The following SDK1 variants were observed in gnomAD, a reference collection of about 807,000 sequenced individuals.
The protein encoded by SDK1 is protein sidekick-1.
Under a neutral mutation model 245.5 loss-of-function variants are expected in SDK1, and 157 were observed. The observed-to-expected ratio is 0.64, with a 90% confidence interval of 0.56 to 0.73. The LOEUF is 0.73. Ranked by LOEUF, SDK1 falls within the 30% of genes least tolerant of loss-of-function variation. The pLI is 0.00. For missense variants in SDK1, 3,583 were observed against 3,002.3 expected (o/e 1.19, Z -4.52); for synonymous variants, 1,647 against 1,278.5 (o/e 1.29, Z -6.15).
intron 1 of SDK1, among the ~76,000 whole-genome samples, chr7:3,519,502 A>G (rs1253449224): frequency 2.6e-5 from 4 of 152,158 alleles, no homozygotes; most frequent in African/African-American, 4.8e-5. Flanking sequence ...ATAATAGTCA[A>G]CATTTCTGTA....
intron 4 of SDK1, among the ~76,000 whole-genome samples, chr7:3,752,026 C>G (rs989253078): frequency 6.6e-6 from 1 of 152,192 alleles, no homozygotes; most frequent in African/African-American, 2.4e-5. Context: ...AAAAGTACTC[C>G]TTTGGCCTTC....
intron 28 of SDK1, among the ~76,000 whole-genome samples, chr7:4,138,760 AG>A (rs1406819607): frequency 2.9e-4 from 31 of 108,740 alleles, no homozygotes; most frequent in Middle Eastern, 4.9e-3. Flanking sequence ...AAAAAAAAAA[AG>A]AGAGAGAAAG....
intron 5 of SDK1, among the ~76,000 whole-genome samples, chr7:3,938,902 T>C (rs1252205975): frequency 6.6e-6 from 1 of 152,216 alleles, no homozygotes. Flanking sequence ...CTTTGTTACC[T>C]TCCATTCATT....
At chr7:3,635,807 G>C (rs1237567888) in intron 2 of SDK1, among the ~76,000 whole-genome samples, 1 of 152,062 alleles carries the variant, frequency 6.6e-6, no homozygotes, top group African/African-American at 2.4e-5. Context: ...CCCGGGGTCA[G>C]GTGATCTTCC....
intron 25 of SDK1, among the ~76,000 whole-genome samples, chr7:4,124,393 C>G (rs975620232): frequency 6.6e-6 from 1 of 152,188 alleles, no homozygotes; most frequent in Non-Finnish European, 1.5e-5. Flanking sequence ...GTGGCTCGGA[C>G]AGCCTCTCTC....
Position 3,301,565 on chromosome 7 carries a change from C to T in SDK1, c.-22C>T, listed in dbSNP as rs1351700141. 402 of 906,450 alleles carry T rather than the reference C, an allele frequency of 4.4e-4. 2 individuals carry two copies. The South Asian group carries it at 0.012, about 26-fold the overall frequency. The allele number at this position is 906,450 out of a possible 1,614,324, so 56.2% of individuals were successfully genotyped here. ...GCCCGCCCGTCCGTCCGGCGCGGCG[C>T]TCGGGGTGGCGGCTGCTCGGCATGG... is the stretch of plus-strand genomic sequence containing the variant. On this transcript the variant is annotated 5_prime_UTR_variant, in exon 1 of 45. Coordinates refer to ENST00000404826, the MANE Select transcript of SDK1 (RefSeq NM_152744.4).
intron 2 of SDK1, among the ~76,000 whole-genome samples, chr7:3,635,579 T>C (rs536581367): frequency 9.8e-5 from 15 of 152,392 alleles, no homozygotes; most frequent in South Asian, 4.1e-4. Flanking sequence ...GGTTATACTT[T>C]GTAAAAGGAA....
intron 1 of SDK1, among the ~76,000 whole-genome samples, chr7:3,471,180 G>C (rs1226403451): frequency 6.6e-6 from 1 of 152,130 alleles, no homozygotes; most frequent in Non-Finnish European, 1.5e-5. Context: ...ACAAGTGCTT[G>C]CTAATTACTT....
At chr7:3,856,424 T>A (rs917842205) in intron 5 of SDK1, among the ~76,000 whole-genome samples, 7 of 151,224 alleles carry the variant, frequency 4.6e-5, no homozygotes, top group Non-Finnish European at 8.8e-5. Context: ...TGACTAATTT[T>A]GACTAACAAG....
At chr7:3,959,912 G>A (rs1196208721) in intron 8 of SDK1, among the ~76,000 whole-genome samples, 2 of 152,050 alleles carry the variant, frequency 1.3e-5, no homozygotes, top group African/African-American at 4.8e-5. Context: ...ATGTCGGGCA[G>A]CACAGGTGAT....
chr7:4,241,104 G>A (rs1276426322), intron 42 of SDK1, among the ~76,000 whole-genome samples: 1 of 152,146 alleles, frequency 6.6e-6, no homozygotes. Flanking sequence ...GTTTTGCTAT[G>A]TATTTGTAAA....
chr7:4,237,691 G>T lies in SDK1; in HGVS notation c.6037G>T (p.Val2013Leu), dbSNP rs778086610. ...CTACGAGGAGTGGTGGTTCCTCCTG[G>T]TGATGGCTCTGTCCAGCCTGATCGT... ...PFYEEWWFLL[V>L]MALSSLIVIL... is the part of the protein sequence containing the mutation. Residue 2013 changes from valine to leucine, a missense_variant, in exon 42 of 45, where the codon GTG (valine) becomes TTG (leucine). Coordinates refer to ENST00000404826, the MANE Select transcript of SDK1 (RefSeq NM_152744.4). The T allele has an allele frequency of 1.2e-6, 2 of 1,613,978 alleles. No individual in the cohort carries two copies. Among genetic ancestry groups the T allele is most frequent in the African/African-American group, 1.3e-5 (1 of 74,890 alleles).
intron 5 of SDK1, among the ~76,000 whole-genome samples, chr7:3,892,778 C>T (rs944134142): frequency 3.3e-5 from 5 of 152,192 alleles, no homozygotes; most frequent in Admixed American, 6.5e-5. Flanking sequence ...TCAGTGCAGC[C>T]GAAAGAACCT....
Position 4,185,763 on chromosome 7 carries a change from C to T in SDK1, c.5098+7177C>T, listed in dbSNP as rs78810234. Reference sequence around the variant, plus strand: ...GCAGGGACCCCTCTTATCCCCAGAACGTTAGCATAAGGCCAGAACATAGAA... The same window carrying T: ...GCAGGGACCCCTCTTATCCCCAGAATGTTAGCATAAGGCCAGAACATAGAA... On this transcript the variant is annotated intron_variant, in intron 35 of 44. Coordinates refer to ENST00000404826, the MANE Select transcript of SDK1 (RefSeq NM_152744.4). 7.0e-3 allele frequency among the ~76,000 whole-genome samples: 1,057 copies of T among 151,516 alleles called. 8 individuals carry two copies. Among genetic ancestry groups the T allele is most frequent in the African/African-American group, 0.025 (1,038 of 41,336 alleles).
chr7:3,408,101 G>A (rs536706242), intron 1 of SDK1, among the ~76,000 whole-genome samples: 35 of 152,092 alleles, frequency 2.3e-4, no homozygotes, highest in Middle Eastern at 3.4e-3. Context: ...GCAGTGGTGC[G>A]GTCTCGGCTT....
At chr7:3,975,702 G>A (rs547246655) in intron 13 of SDK1, among the ~76,000 whole-genome samples, 3 of 152,350 alleles carry the variant, frequency 2.0e-5, no homozygotes, top group South Asian at 2.1e-4. Flanking sequence ...CAGTCAGTCC[G>A]GAAGGCCCTG....
At chr7:3,939,186 T>C (rs897014173) in intron 5 of SDK1, among the ~76,000 whole-genome samples, 1 of 152,166 alleles carries the variant, frequency 6.6e-6, no homozygotes, top group African/African-American at 2.4e-5. Flanking sequence ...TGGGATTAGA[T>C]CTTTTGGGGT....
At chr7:3,756,454 A>G (rs1412204882) in intron 4 of SDK1, among the ~76,000 whole-genome samples, 1 of 151,830 alleles carries the variant, frequency 6.6e-6, no homozygotes, top group Non-Finnish European at 1.5e-5. Context: ...CATGTGACAC[A>G]TGTATATCGT....
chr7:3,818,235 C>G (rs545058613), intron 4 of SDK1, among the ~76,000 whole-genome samples: 1 of 152,316 alleles, frequency 6.6e-6, no homozygotes, highest in South Asian at 2.1e-4. Context: ...GAAAATCTCT[C>G]AGGCCAAATA....
Sources: gnomAD v4.1 joint callset for allele counts (sites outside exome capture counted in the v4.1 genomes callset) on GRCh38, gnomAD v4.1.1 for gene constraint, MANE v1.5 for transcripts, NCBI Gene and HGNC (gene_info 2026-07-23, HGNC 2026-07-21) for gene names.